The following RIPOR2 variants were observed in gnomAD, a reference collection of about 807,000 sequenced individuals.
RIPOR2 encodes rho family-interacting cell polarization regulator 2.
RIPOR2 carries 39 observed loss-of-function variants against 114.5 expected under a neutral mutation model. The observed-to-expected ratio is 0.34, with a 90% confidence interval of 0.26 to 0.44. The LOEUF (loss-of-function observed/expected upper bound fraction) is 0.44, where lower values mean the gene tolerates loss of function less well. Ranked by LOEUF, RIPOR2 falls within the 20% of genes least tolerant of loss-of-function variation. The pLI, the probability that RIPOR2 is intolerant of heterozygous loss-of-function variation, is 1.00. For missense variants in RIPOR2, 1,007 were observed against 1,255.1 expected (o/e 0.80, Z 2.99); for synonymous variants, 445 against 484.4 (o/e 0.92, Z 1.07).
intron 1 of RIPOR2, among the ~76,000 whole-genome samples, chr6:24,921,343 T>A (rs548691259): frequency 1.8e-4 from 28 of 151,868 alleles, no homozygotes; most frequent in South Asian, 4.2e-4. Flanking sequence ...TTTTTTTTTT[T>A]AGTAGAGACG....
At chr6:24,918,935 T>A (rs1422046859) in intron 1 of RIPOR2, among the ~76,000 whole-genome samples, 5 of 152,198 alleles carry the variant, frequency 3.3e-5, no homozygotes, top group Admixed American at 6.5e-5. Flanking sequence ...CTAATGCCTC[T>A]TTCCTTCCTA....
At chr6:25,002,841 C>T (rs984243551) in intron 1 of RIPOR2, among the ~76,000 whole-genome samples, 1 of 152,162 alleles carries the variant, frequency 6.6e-6, no homozygotes, top group African/African-American at 2.4e-5. Context: ...TGAGCATTGT[C>T]AAGTCTGAGA....
Position 24,847,679 on chromosome 6 carries a change from GA to G in RIPOR2, c.1164+345del, listed in dbSNP as rs1344388544. 6 of 1,550,986 alleles carry G rather than the reference GA, an allele frequency of 3.9e-6. No individual in the cohort carries two copies. Among genetic ancestry groups the G allele is most frequent in the Non-Finnish European group, 5.2e-6 (6 of 1,146,272 alleles). Reference sequence around the variant, plus strand: ...AGCCGCCTGGGCTTGTCTGGGGAAGGATGCAGCCACCTCTTCAGAAGTGAAA... The same window carrying G: ...AGCCGCCTGGGCTTGTCTGGGGAAGGTGCAGCCACCTCTTCAGAAGTGAAA... On this transcript the variant is annotated intron_variant, in intron 12 of 21. Transcript: ENST00000643898.
chr6:24,892,765 G>T (rs1310142556), intron 1 of RIPOR2, among the ~76,000 whole-genome samples: 1 of 152,160 alleles, frequency 6.6e-6, no homozygotes, highest in Admixed American at 6.5e-5. Flanking sequence ...GGTGGGAGAA[G>T]GACAAGAAGA....
intron 1 of RIPOR2, chr6:25,023,408 C>A (rs1581969384): frequency 1.3e-6 from 1 of 770,920 alleles, no homozygotes; most frequent in Non-Finnish European, 2.4e-6. Context: ...GGACTCCCAG[C>A]CAAGGATGTA....
intron 19 of RIPOR2, among the ~76,000 whole-genome samples, chr6:24,821,156 A>C (rs1318019872): frequency 6.7e-6 from 1 of 148,556 alleles, no homozygotes; most frequent in Non-Finnish European, 1.5e-5. Context: ...TACAGGCGTG[A>C]GCCACCGCGC....
At chr6:25,021,438 C>T (rs745877936) in intron 1 of RIPOR2, among the ~76,000 whole-genome samples, 21 of 152,152 alleles carry the variant, frequency 1.4e-4, no homozygotes, top group Non-Finnish European at 2.1e-4. Flanking sequence ...TATACATTCA[C>T]GATGGAATAC....
chr6:25,018,183 A>C (rs1223033388), intron 1 of RIPOR2, among the ~76,000 whole-genome samples: 1 of 152,192 alleles, frequency 6.6e-6, no homozygotes, highest in African/African-American at 2.4e-5. Flanking sequence ...GATGGTTACT[A>C]CCCAGAGTGC....
At chr6:24,889,051 T>C (rs912649475) in intron 1 of RIPOR2, among the ~76,000 whole-genome samples, 2 of 152,206 alleles carry the variant, frequency 1.3e-5, no homozygotes, top group African/African-American at 4.8e-5. Context: ...AAAGCAGCAC[T>C]TTAAATGCTT....
chr6:24,903,607 T>A (rs1768684723), intron 1 of RIPOR2, among the ~76,000 whole-genome samples: 1 of 152,136 alleles, frequency 6.6e-6, no homozygotes, highest in African/African-American at 2.4e-5. Context: ...TATTTATTTT[T>A]TAGTTTTTAT....
At position 24,847,833 on chromosome 6, in the gene RIPOR2, T is replaced by C. The variant is rs538143160; in HGVS notation, c.1164+192A>G. ...TCTTTAAAAGGCTGATCTTAGAGAA[T>C]GTTCAGAAAAATCTACATGTTACCA... On this transcript the variant is annotated intron_variant, in intron 12 of 21. Coordinates refer to ENST00000643898, the MANE Select transcript of RIPOR2 (RefSeq NM_001286445.3). 29 of 1,165,966 alleles carry C rather than the reference T, an allele frequency of 2.5e-5. No homozygotes were observed. The East Asian group carries it at 5.9e-4, about 24-fold the overall frequency. The allele number at this position is 1,165,966 out of a possible 1,614,324, so 72.2% of individuals were successfully genotyped here.
chr6:24,967,702 T>C (rs1244645336), intron 1 of RIPOR2, among the ~76,000 whole-genome samples: 1 of 152,204 alleles, frequency 6.6e-6, no homozygotes, highest in East Asian at 1.9e-4. Context: ...GTTGTTTTCC[T>C]GTGTAATAAT....
chr6:24,949,605 T>A (rs1348690391), intron 1 of RIPOR2, among the ~76,000 whole-genome samples: 1 of 152,236 alleles, frequency 6.6e-6, no homozygotes, highest in Admixed American at 6.5e-5. Flanking sequence ...GTATGCCAGC[T>A]TGCTTTTTCC....
chr6:24,856,536 C>T (rs1220060242), intron 8 of RIPOR2, among the ~76,000 whole-genome samples: 1 of 152,108 alleles, frequency 6.6e-6, no homozygotes, highest in East Asian at 1.9e-4. Flanking sequence ...GGGCGGATCA[C>T]CTGAGGTCAG....
chr6:25,016,276 C>G (rs1775998772), intron 1 of RIPOR2, among the ~76,000 whole-genome samples: 1 of 151,992 alleles, frequency 6.6e-6, no homozygotes, highest in Non-Finnish European at 1.5e-5. Flanking sequence ...CCCAGGGCAT[C>G]AACAAGAGAT....
intron 1 of RIPOR2, among the ~76,000 whole-genome samples, chr6:25,020,517 G>A (rs936706216): frequency 6.6e-6 from 1 of 152,194 alleles, no homozygotes; most frequent in Admixed American, 6.5e-5. Context: ...CATAGATTAA[G>A]ATGGATGTAT....
At chr6:25,027,271 C>T (rs1393284836) in intron 1 of RIPOR2, among the ~76,000 whole-genome samples, 1 of 152,174 alleles carries the variant, frequency 6.6e-6, no homozygotes, top group Non-Finnish European at 1.5e-5. Context: ...TACAAGACGG[C>T]CCAAGCATCG....
At chr6:24,927,329 C>CTACAACTACAAT (rs1771015879) in intron 1 of RIPOR2, among the ~76,000 whole-genome samples, 1 of 77,212 alleles carries the variant, frequency 1.3e-5, no homozygotes, top group Non-Finnish European at 2.6e-5. Flanking sequence ...ACCACCATCA[C>CTACAACTACAAT]CACCACCACC....
chr6:25,036,522 G>A (rs1481517951), intron 1 of RIPOR2, among the ~76,000 whole-genome samples: 1 of 151,976 alleles, frequency 6.6e-6, no homozygotes, highest in Non-Finnish European at 1.5e-5. Flanking sequence ...CTCCTGAGTA[G>A]CTGGGTTTAC....
Sources: gnomAD v4.1 joint callset for allele counts (sites outside exome capture counted in the v4.1 genomes callset) on GRCh38, gnomAD v4.1.1 for gene constraint, MANE v1.5 for transcripts, NCBI Gene and HGNC (gene_info 2026-07-23, HGNC 2026-07-21) for gene names.